Variants in GLB1 observed in about 807,000 individuals in gnomAD.
The protein encoded by GLB1 is galactosidase beta 1.
A neutral mutation model predicts 74.0 loss-of-function variants in GLB1; 56 were observed. That is an observed-to-expected ratio of 0.76 (90% CI 0.61 to 0.94). The LOEUF is 0.94. GLB1 is among the 40% of genes least tolerant of loss of function. The pLI is 0.00. For synonymous variants in GLB1, 323 were observed against 323.6 expected, an observed-to-expected ratio of 1.00 and a Z score of 0.02; for missense variants, 787 against 845.5, an observed-to-expected ratio of 0.93 and a Z score of 0.86.
intron 14 of GLB1, among the ~76,000 whole-genome samples, chr3:33,015,637 G>A (rs776110912): frequency 1.3e-5 from 2 of 152,204 alleles, no homozygotes; most frequent in Admixed American, 6.5e-5. Flanking sequence ...CAACAGAGTC[G>A]AGTCACTCCC....
chr3:32,971,722 A>G, the GLB1 span, among the ~76,000 whole-genome samples: 2 of 152,246 alleles, frequency 1.3e-5, no homozygotes, highest in Non-Finnish European at 2.9e-5. Context: ...GACTAAAAAC[A>G]AAACTCTATG....
At position 33,025,853 on chromosome 3, in the gene GLB1, A is replaced by T. The variant is rs1356463337; in HGVS notation, c.1069-1528T>A. On this transcript the variant is annotated intron_variant, in intron 10 of 15. Coordinates refer to ENST00000307363, the MANE Select transcript of GLB1 (RefSeq NM_000404.4). ...CCCCAGCCTCACGGGGCCAGGCAGG[A>T]CCCACTCCCAGGCCCGGAGCCTCTG... 2.0e-5 allele frequency among the ~76,000 whole-genome samples: 3 copies of T among 152,044 alleles called. No individual in the cohort carries two copies. The East Asian group carries it at 5.8e-4, about 29-fold the overall frequency.
chr3:33,030,841 A>G, intron 10 of GLB1: 2 of 985,128 alleles, frequency 2.0e-6, no homozygotes, highest in Non-Finnish European at 2.4e-6. Context: ...AACTCTTAAA[A>G]TGGGTCTTAA....
At chr3:33,070,800 T>G (rs1328730869) in intron 2 of GLB1, among the ~76,000 whole-genome samples, 1 of 152,158 alleles carries the variant, frequency 6.6e-6, no homozygotes, top group African/African-American at 2.4e-5. Flanking sequence ...GAACTATGAT[T>G]GAGCCACTAC....
At chr3:32,986,684 G>A in the GLB1 span, among the ~76,000 whole-genome samples, 3 of 151,110 alleles carry the variant, frequency 2.0e-5, no homozygotes, top group Non-Finnish European at 4.4e-5. Context: ...TCTGCCTCCC[G>A]GGTTCACGTG....
At chr3:33,039,792 T>C (rs541257038) in intron 10 of GLB1, among the ~76,000 whole-genome samples, 34 of 152,088 alleles carry the variant, frequency 2.2e-4, no homozygotes, top group South Asian at 4.2e-4. Flanking sequence ...TCAAACAAGA[T>C]GTATATAAAG....
intron 5 of GLB1, among the ~76,000 whole-genome samples, chr3:33,063,334 A>ACG (rs1274771212): frequency 1.3e-5 from 2 of 152,196 alleles, no homozygotes; most frequent in African/African-American, 4.8e-5. Flanking sequence ...AGTAACAATT[A>ACG]TGTTTTTTCT....
At chr3:32,975,166 C>T in the GLB1 span, among the ~76,000 whole-genome samples, 5 of 152,150 alleles carry the variant, frequency 3.3e-5, no homozygotes, top group Admixed American at 6.5e-5. Context: ...ACTGCAGCCT[C>T]AACCTCCCAA....
At chr3:33,034,368 A>C in intron 10 of GLB1, 1 of 758,712 alleles carries the variant, frequency 1.3e-6, no homozygotes, top group East Asian at 2.5e-5. Flanking sequence ...AGCCTCATAG[A>C]CCAGCTGTTC....
chr3:33,071,654 C>A (rs35291321), intron 2 of GLB1, among the ~76,000 whole-genome samples: 1 of 152,092 alleles, frequency 6.6e-6, no homozygotes, highest in African/African-American at 2.4e-5. Flanking sequence ...GATCGGAAGG[C>A]CTTAGAAGCA....
chr3:33,068,155 A>G (rs1699760926), intron 4 of GLB1, 75 bp downstream of exon 4: 6 of 1,602,794 alleles, frequency 3.7e-6, no homozygotes, highest in East Asian at 4.5e-5. Flanking sequence ...CCAAAGTGTC[A>G]GGATTACAGG....
chr3:33,037,174 T>C (rs1415642225), intron 10 of GLB1, among the ~76,000 whole-genome samples: 1 of 151,836 alleles, frequency 6.6e-6, no homozygotes, highest in African/African-American at 2.4e-5. Flanking sequence ...GTCTCCCGAG[T>C]AGCTGGAATT....
At chr3:33,064,441 T>TAAAA (rs35553546) in intron 5 of GLB1, among the ~76,000 whole-genome samples, 30 of 108,734 alleles carry the variant, frequency 2.8e-4, no homozygotes, top group African/African-American at 3.4e-4. Context: ...CTCTGTCTCC[T>TAAAA]AAAAAAAAAA....
chr3:33,003,273 G>C (rs1575399166), intron 15 of GLB1, among the ~76,000 whole-genome samples: 1 of 152,210 alleles, frequency 6.6e-6, no homozygotes, highest in African/African-American at 2.4e-5. Flanking sequence ...ACTTCCAACA[G>C]TTCCACCATA....
chr3:33,020,895 C>A (rs1697442186), intron 12 of GLB1, among the ~76,000 whole-genome samples: 3 of 152,042 alleles, frequency 2.0e-5, no homozygotes, highest in Non-Finnish European at 2.9e-5. Flanking sequence ...CAGTTGACTA[C>A]ATACACAGAG....
chr3:32,992,716 G>A (rs1349000042), downstream of GLB1, among the ~76,000 whole-genome samples: 1 of 152,192 alleles, frequency 6.6e-6, no homozygotes, highest in African/African-American at 2.4e-5. Context: ...GGAGTTTGGA[G>A]GAATGAAGCT....
chr3:33,016,650 C>A, intron 14 of GLB1, 59 bp downstream of exon 14: 1 of 1,608,086 alleles, frequency 6.2e-7, no homozygotes, highest in Non-Finnish European at 8.5e-7. Flanking sequence ...CTGTACTGGG[C>A]TTCAACTTCT....
intron 11 of GLB1, among the ~76,000 whole-genome samples, chr3:33,023,640 C>T (rs1283839737): frequency 6.6e-6 from 1 of 151,220 alleles, no homozygotes. Flanking sequence ...ATGGTCAAAA[C>T]AAATTGACTT....
At chr3:32,981,448 G>C in the GLB1 span, among the ~76,000 whole-genome samples, 4 of 148,514 alleles carry the variant, frequency 2.7e-5, no homozygotes, top group Admixed American at 2.7e-4. Flanking sequence ...AAAAAGCAAA[G>C]GTCTTCTGTA....
Sources: gnomAD v4.1 joint callset for allele counts (sites outside exome capture counted in the v4.1 genomes callset) on GRCh38, gnomAD v4.1.1 for gene constraint, MANE v1.5 for transcripts, NCBI Gene and HGNC (gene_info 2026-07-23, HGNC 2026-07-21) for gene names.